The following ADAM11 variants were observed in gnomAD, a reference collection of about 807,000 sequenced individuals.
The protein encoded by ADAM11 is ADAM metallopeptidase domain 11.
Under a neutral mutation model 119.1 loss-of-function variants are expected in ADAM11, and 49 were observed. The observed-to-expected ratio is 0.41, with a 90% CI of 0.33 to 0.52. The LOEUF (loss-of-function observed/expected upper bound fraction) is 0.52, where lower values mean the gene tolerates loss of function less well. Among genes scored for constraint, ADAM11 ranks in the 20% least tolerant of loss-of-function variants. ADAM11 has a pLI of 0.20. For synonymous variants in ADAM11, 364 were observed against 408.0 expected, an observed-to-expected ratio of 0.89 and a Z score of 1.30; for missense variants, 777 against 1,047.5, an observed-to-expected ratio of 0.74 and a Z score of 3.56.
Position 44,773,297 on chromosome 17 carries a change from G to A in ADAM11, c.862G>A (p.Val288Ile). Reference sequence around the variant, plus strand: ...GCAGCTCAACACTCGCATCGTCCTGGTTGCCATGGAAACATGGGCAGATGG... The same window carrying A: ...GCAGCTCAACACTCGCATCGTCCTGATTGCCATGGAAACATGGGCAGATGG... Reference protein sequence around the residue: ...KEQLNTRIVLVAMETWADGDK... With the variant: ...KEQLNTRIVLIAMETWADGDK... The change falls in exon 11 of 27, where the codon GTT (valine) becomes ATT (isoleucine). Residue 288 changes from valine to isoleucine, a missense_variant. By Grantham distance (29) the Val-to-Ile change is conservative. This residue lies in a region of ADAM11 where 147 missense variants were observed against 223.3 expected (regional missense o/e 0.66). Transcript: ENST00000200557. This position sits in a 1 kb window ranked among gnomAD's most constrained non-coding sequence, Gnocchi z 4.6. 1 of 1,614,026 alleles carries A rather than the reference G, an allele frequency of 6.2e-7. No individual in the cohort carries two copies. Among genetic ancestry groups the A allele is most frequent in the Non-Finnish European group, 8.5e-7 (1 of 1,180,014 alleles).
chr17:44,759,896 C>T lies in ADAM11; in HGVS notation c.236C>T (p.Pro79Leu), dbSNP rs766927516. 1.5e-5 allele frequency: 19 copies of T among 1,294,324 alleles called. No individual in the cohort carries two copies. Among genetic ancestry groups the T allele is most frequent in the Middle Eastern group, 2.6e-4 (1 of 3,810 alleles). 80.2% of individuals were successfully genotyped at this position (1,294,324 alleles called of 1,614,324 possible). A position where few individuals can be genotyped will look rare whatever the true frequency, so the allele number is the denominator to read the frequency against. Residue 79 changes from proline (P) to leucine (L), a missense_variant and splice_region_variant, in exon 2 of 27, where the codon CCG (proline) becomes CTG (leucine). By Grantham distance (98) the Pro-to-Leu change is moderately conservative. Around this residue, in one of 4 missense-constraint regions of ADAM11, gnomAD observed 278 missense variants for 310.1 expected, o/e 0.90. Transcript: ENST00000200557. ...TRVRQEPPGG[P>L]PVHLAQVSFV... Reference sequence around the variant, plus strand: ...GTCCGCCAGGAGCCACCAGGGGGCCCGGTGAGTGGGGCTGGGTGGTGAGGC... The same window carrying T: ...GTCCGCCAGGAGCCACCAGGGGGCCTGGTGAGTGGGGCTGGGTGGTGAGGC...
At position 44,780,254 on chromosome 17, in the gene ADAM11, G is replaced by C; in HGVS notation, c.*500G>C. ...GTGCTGGGGCCAGGGCAGATGTGGGGATGTTTTGACATTTACAGGAGGGCC... is the reference window on the plus strand; with the variant it reads ...GTGCTGGGGCCAGGGCAGATGTGGGCATGTTTTGACATTTACAGGAGGGCC... On this transcript the variant is annotated 3_prime_UTR_variant, in exon 27 of 27. Transcript: ENST00000200557. The C allele has an allele frequency of 2.3e-6, 1 of 429,774 alleles. No individual in the cohort carries two copies. Among genetic ancestry groups the C allele is most frequent in the South Asian group, 1.7e-5 (1 of 60,212 alleles). The allele number at this position is 429,774 out of a possible 1,614,324, so 26.6% of individuals were successfully genotyped here. A position where few individuals can be genotyped will look rare whatever the true frequency, so the allele number is the denominator to read the frequency against.
chr17:44,780,328 CA>C lies in ADAM11; in HGVS notation c.*575del, dbSNP rs2145253961. The C allele has an allele frequency of 2.8e-6, 1 of 359,796 alleles. No individual in the cohort carries two copies. The highest frequency in any genetic ancestry group is 2.1e-5 in the African/African-American group (1 of 46,684). The allele number at this position is 359,796 out of a possible 1,614,324, so 22.3% of individuals were successfully genotyped here. A position where few individuals can be genotyped will look rare whatever the true frequency, so the allele number is the denominator to read the frequency against. On this transcript the variant is annotated 3_prime_UTR_variant, in exon 27 of 27. Coordinates refer to ENST00000200557, the MANE Select transcript of ADAM11 (RefSeq NM_002390.6). ...GCCCTAGACCCTCCCCAAGGATGACCACACCCGAAGTCCTGTCACTGAGCAC... is the reference window on the plus strand; with the variant it reads ...GCCCTAGACCCTCCCCAAGGATGACCCACCCGAAGTCCTGTCACTGAGCAC...
rs745851888 is a variant in ADAM11, at chr17:44,777,607, G to A, written c.1901+6G>A. ...GGCAAGGAGCTGGACTGCAGGTGCTGGCCAGGACCAAGACTAGGGAGGGGA... is the reference window on the plus strand; with the variant it reads ...GGCAAGGAGCTGGACTGCAGGTGCTAGCCAGGACCAAGACTAGGGAGGGGA... On this transcript the variant is annotated splice_donor_region_variant and intron_variant, in intron 22 of 26. Transcript: ENST00000200557. The surrounding 1 kb of genome is among the most constrained non-coding windows in gnomAD (Gnocchi z 5.1). 1.2e-6 allele frequency: 2 copies of A among 1,614,114 alleles called. No homozygotes were observed. Among genetic ancestry groups the A allele is most frequent in the South Asian group, 2.2e-5 (2 of 91,072 alleles).
Position 44,774,384 on chromosome 17 carries a change from G to C in ADAM11, c.1077+5G>C. ...CACGGCGGGGGTGTGAACGAGGTGA[G>C]CAGTGGGGGGACATGGCTGGGGTGG... is the stretch of plus-strand genomic sequence containing the variant. On this transcript the variant is annotated splice_donor_5th_base_variant and intron_variant, in intron 12 of 26. Transcript: ENST00000200557. 2 of 1,506,584 alleles carry C rather than the reference G, an allele frequency of 1.3e-6. No individual in the cohort carries two copies. The highest frequency in any genetic ancestry group is 1.8e-6 in the Non-Finnish European group (2 of 1,119,902). The allele number at this position is 1,506,584 out of a possible 1,614,324, so 93.3% of individuals were successfully genotyped here. A position where few individuals can be genotyped will look rare whatever the true frequency, so the allele number is the denominator to read the frequency against.
At chr17:44,769,407 C>T (rs946342250) in intron 2 of ADAM11, among the ~76,000 whole-genome samples, 2 of 152,352 alleles carry the variant, frequency 1.3e-5, no homozygotes, top group Admixed American at 1.3e-4. Flanking sequence ...GAGGGCTGGC[C>T]GGGCTGCCCC....
chr17:44,776,338 CTG>C lies in ADAM11; in HGVS notation c.1566+133_1566+134del, dbSNP rs1464013535. On this transcript the variant is annotated intron_variant, in intron 18 of 26. Transcript: ENST00000200557. This position sits in a 1 kb window ranked among gnomAD's most constrained non-coding sequence, Gnocchi z 5.2. ...CTGGCATCGACCTCCACTGATCAGA[CTG>C]TTTTCTTATCTGAGAAAGGGGTTCT... 4 of 923,262 alleles carry C rather than the reference CTG, an allele frequency of 4.3e-6. No homozygotes were observed. The African/African-American group carries it at 6.6e-5, about 15-fold the overall frequency. 57.2% of individuals were successfully genotyped at this position (923,262 alleles called of 1,614,324 possible).
chr17:44,778,365 C>A, intron 25 of ADAM11, 123 bp downstream of exon 25: 1 of 984,122 alleles, frequency 1.0e-6, no homozygotes, highest in Non-Finnish European at 1.5e-6. Context: ...CGTCATAGGT[C>A]CAAGTAGCCT....
At chr17:44,760,998 G>A (rs2049382110) in intron 2 of ADAM11, among the ~76,000 whole-genome samples, 1 of 129,026 alleles carries the variant, frequency 7.8e-6, no homozygotes, top group Non-Finnish European at 1.6e-5. Context: ...GGGGGAGGGG[G>A]CTAATGGTCC....
At chr17:44,769,693 C>T in intron 2 of ADAM11, 25 bp from the exon 3 acceptor site, 2 of 1,565,048 alleles carry the variant, frequency 1.3e-6, no homozygotes, top group African/African-American at 2.7e-5. Flanking sequence ...TGGGTTGACT[C>T]CCCCTCTGCC....
At position 44,776,660 on chromosome 17, in the gene ADAM11, C is replaced by T. The variant is rs2049605347; in HGVS notation, c.1567-85C>T. Reference sequence around the variant, plus strand: ...TGGCATGAGCCCCCAATGGGGGGCACTTGGTACCCCAGCATTCCTCCCTGG... The same window carrying T: ...TGGCATGAGCCCCCAATGGGGGGCATTTGGTACCCCAGCATTCCTCCCTGG... On this transcript the variant is annotated intron_variant, in intron 18 of 26. Coordinates refer to ENST00000200557, the MANE Select transcript of ADAM11 (RefSeq NM_002390.6). The surrounding 1 kb of genome is among the most constrained non-coding windows in gnomAD (Gnocchi z 5.2). 1.3e-6 allele frequency: 2 copies of T among 1,526,008 alleles called. No individual in the cohort carries two copies. Among genetic ancestry groups the T allele is most frequent in the East Asian group, 4.6e-5 (2 of 43,168 alleles). 94.5% of individuals were successfully genotyped at this position (1,526,008 alleles called of 1,614,324 possible). A position where few individuals can be genotyped will look rare whatever the true frequency, so the allele number is the denominator to read the frequency against.
chr17:44,762,389 T>C (rs989562684), intron 2 of ADAM11, among the ~76,000 whole-genome samples: 1 of 152,198 alleles, frequency 6.6e-6, no homozygotes, highest in East Asian at 1.9e-4. Context: ...CTCAATCTCC[T>C]GCCTGGCATT....
In ADAM11 at chr17:44,774,491, G is replaced by A; in HGVS notation, c.1078-1G>A. On this transcript the variant is annotated splice_acceptor_variant, in intron 12 of 26. Coordinates refer to ENST00000200557, the MANE Select transcript of ADAM11 (RefSeq NM_002390.6). LOFTEE classifies it high-confidence loss of function. ...CTGTGCCCCATCTTCCCCACCCCCA[G>A]TACGGCAACATGGGGGCGATGGCCG... 6.2e-7 allele frequency: 1 copy of A among 1,612,810 alleles called. No homozygotes were observed. Among genetic ancestry groups the A allele is most frequent in the Non-Finnish European group, 8.5e-7 (1 of 1,179,602 alleles).
At chr17:44,768,228 G>A (rs1201170824) in intron 2 of ADAM11, among the ~76,000 whole-genome samples, 5 of 152,198 alleles carry the variant, frequency 3.3e-5, no homozygotes, top group East Asian at 1.9e-4. Flanking sequence ...GCCATGGGCC[G>A]GGAAGAGGAT....
At chr17:44,774,842 G>A in intron 14 of ADAM11, 93 bp downstream of exon 14, 1 of 1,464,734 alleles carries the variant, frequency 6.8e-7, no homozygotes, top group Non-Finnish European at 9.2e-7. Context: ...GGGCTCAAGA[G>A]GCCCAGCTCA....
rs1183282900 is a variant in ADAM11 at position 44,775,655 on chromosome 17, G to A, written c.1464G>A (p.Gly488=). The change falls in exon 17 of 27, where the codon GGG becomes GGA. Residue 488 remains glycine, a synonymous_variant. Coordinates refer to ENST00000200557, the MANE Select transcript of ADAM11 (RefSeq NM_002390.6). This position sits in a 1 kb window ranked among gnomAD's most constrained non-coding sequence, Gnocchi z 7.5. ...TLTHDAMCSD[G]LCCRRCKYEP... ...CTCACGACGCCATGTGCAGCGACGG[G>A]CTCTGCTGTCGCCGCTGCAAGGTAA... The A allele has an allele frequency of 2.5e-6, 4 of 1,589,594 alleles. No individual in the cohort carries two copies. Among genetic ancestry groups the A allele is most frequent in the Admixed American group, 1.7e-5 (1 of 57,806 alleles).
chr17:44,778,713 A>AAAAAAAAAAAAAAAAAAAAAAAAG lies in ADAM11; in HGVS notation c.2276+471_2276+472insAAAAAAAAAAAAAAAAAAAAAAAG, dbSNP rs71136047. 2.2e-4 allele frequency among the ~76,000 whole-genome samples: 18 copies of AAAAAAAAAAAAAAAAAAAAAAAAG among 80,420 alleles called. 1 individual carries two copies. Among genetic ancestry groups the AAAAAAAAAAAAAAAAAAAAAAAAG allele is most frequent in the Non-Finnish European group, 2.6e-4 (12 of 45,604 alleles). The allele number at this position is 80,420 out of a possible 152,430, so 52.8% of individuals were successfully genotyped here. A position where few individuals can be genotyped will look rare whatever the true frequency, so the allele number is the denominator to read the frequency against. On this transcript the variant is annotated intron_variant, in intron 25 of 26. Coordinates refer to ENST00000200557, the MANE Select transcript of ADAM11 (RefSeq NM_002390.6). Reference sequence around the variant, plus strand: ...CAAAAAAAAAAAAAAAAAAAAAAAAAGAAAGAAAGAGAGAAAGAAAAGAAA... The same window carrying AAAAAAAAAAAAAAAAAAAAAAAAG: ...CAAAAAAAAAAAAAAAAAAAAAAAAAAAAAAAAAAAAAAAAAAAAAAAAGGAAAGAAAGAGAGAAAGAAAAGAAA...
Position 44,772,482 on chromosome 17 carries a change from C to A in ADAM11, c.678+16C>A, listed in dbSNP as rs1567692096. 9 of 1,559,510 alleles carry A rather than the reference C, an allele frequency of 5.8e-6. No individual in the cohort carries two copies. Among genetic ancestry groups the A allele is most frequent in the African/African-American group, 1.4e-5 (1 of 73,678 alleles). On this transcript the variant is annotated intron_variant, in intron 8 of 26. Coordinates refer to ENST00000200557, the MANE Select transcript of ADAM11 (RefSeq NM_002390.6). The surrounding 1 kb of genome is among the most constrained non-coding windows in gnomAD (Gnocchi z 4.5). ...GAAAAGGCAGGTACGGGGGCCCGCACAGACCTCGGGCTGCAGAGACCTCGG... is the reference window on the plus strand; with the variant it reads ...GAAAAGGCAGGTACGGGGGCCCGCAAAGACCTCGGGCTGCAGAGACCTCGG...
Position 44,779,892 on chromosome 17 carries a change from G to T in ADAM11, c.*138G>T. 1 of 1,278,306 alleles carries T rather than the reference G, an allele frequency of 7.8e-7. No homozygotes were observed. Among genetic ancestry groups the T allele is most frequent in the Middle Eastern group, 1.8e-4 (1 of 5,430 alleles). The allele number at this position is 1,278,306 out of a possible 1,614,324, so 79.2% of individuals were successfully genotyped here. On this transcript the variant is annotated 3_prime_UTR_variant, in exon 27 of 27. Coordinates refer to ENST00000200557, the MANE Select transcript of ADAM11 (RefSeq NM_002390.6). Reference sequence around the variant, plus strand: ...CCCTTCAACTCCTGGCTCCGCAGGGGTTTGGGTGGGGGCTGTGGCCCTGCC... The same window carrying T: ...CCCTTCAACTCCTGGCTCCGCAGGGTTTTGGGTGGGGGCTGTGGCCCTGCC...
Sources: gnomAD v4.1 joint callset for allele counts (sites outside exome capture counted in the v4.1 genomes callset) on GRCh38, gnomAD v4.1.1 for gene constraint, gnomAD v4.1.1 regional missense constraint, Gnocchi (gnomAD v3.1) non-coding constraint, MANE v1.5 for transcripts, NCBI Gene and HGNC (gene_info 2026-07-23, HGNC 2026-07-21) for gene names.